The following SPACA3 variants were observed in gnomAD, a reference collection of about 807,000 sequenced individuals.
SPACA3 encodes the protein sperm acrosome associated 3.
Under a neutral mutation model 24.5 loss-of-function variants are expected in SPACA3, and 21 were observed. The ratio of observed to expected loss-of-function variants is 0.86; its 90% CI spans 0.61 to 1.24. SPACA3 has a LOEUF of 1.24. Among genes scored for constraint, SPACA3 ranks in the 50% most tolerant of loss-of-function variants. The probability of loss-of-function intolerance (pLI) is 0.00; values close to 1 mark genes in which losing one functional copy is unlikely to be tolerated. For missense variants in SPACA3, 278 were observed against 275.5 expected, an observed-to-expected ratio of 1.01 and a Z score of -0.06; for synonymous variants, 115 against 106.9, an observed-to-expected ratio of 1.08 and a Z score of -0.47.
chr17:32,997,310 G>A, intron 3 of SPACA3, 135 bp from the exon 4 acceptor site: 2 of 660,008 alleles, frequency 3.0e-6, no homozygotes, highest in South Asian at 2.1e-5. Flanking sequence ...TTAGGCGAGT[G>A]GAGTGTGTGT....
chr17:32,993,849 C>T (rs79348288), intron 1 of SPACA3, among the ~76,000 whole-genome samples: 2,121 of 151,842 alleles, frequency 0.014, 21 homozygotes, highest in Non-Finnish European at 0.021. Context: ...GCTAGCGCGC[C>T]GGGAGAGGAG....
intron 1 of SPACA3, chr17:32,993,104 A>G (rs2091700683): frequency 2.7e-6 from 1 of 373,188 alleles, no homozygotes; most frequent in Non-Finnish European, 5.5e-6. Context: ...GTCATGGGGA[A>G]GGAGTGAAGA....
chr17:32,996,701 G>A lies in SPACA3; in HGVS notation c.344-142G>A, dbSNP rs2091724038. On this transcript the variant is annotated intron_variant, in intron 2 of 4. Transcript: ENST00000269053. ...AAGCCTCGATTGATTGGTTTGCAAAGCAGGTGGGAGGCACCTGCCCCAATC... is the reference window on the plus strand; with the variant it reads ...AAGCCTCGATTGATTGGTTTGCAAAACAGGTGGGAGGCACCTGCCCCAATC... 4 of 720,570 alleles carry A rather than the reference G, an allele frequency of 5.6e-6. No homozygotes were observed. The South Asian group carries it at 2.1e-4, about 38-fold the overall frequency. 44.6% of individuals were successfully genotyped at this position (720,570 alleles called of 1,614,324 possible). A position where few individuals can be genotyped will look rare whatever the true frequency, so the allele number is the denominator to read the frequency against.
At chr17:32,992,186 C>T (rs1014433519) in intron 1 of SPACA3, among the ~76,000 whole-genome samples, 1 of 113,554 alleles carries the variant, frequency 8.8e-6, no homozygotes, top group Non-Finnish European at 1.8e-5. Flanking sequence ...CACTTTTCTA[C>T]AAAAAAAAAA....
At chr17:32,993,108 G>C in intron 1 of SPACA3, 1 of 370,860 alleles carries the variant, frequency 2.7e-6, no homozygotes, top group South Asian at 2.1e-5. Flanking sequence ...TGGGGAAGGA[G>C]TGAAGAATGA....
At chr17:32,995,859 G>A in intron 2 of SPACA3, 142 bp downstream of exon 2, 2 of 1,026,986 alleles carry the variant, frequency 1.9e-6, no homozygotes, top group Non-Finnish European at 2.8e-6. Flanking sequence ...TGAGATGGCA[G>A]GTAGAGAACA....
chr17:32,996,727 A>C, intron 2 of SPACA3, 116 bp from the exon 3 acceptor site: 1 of 1,214,070 alleles, frequency 8.2e-7, no homozygotes, highest in South Asian at 2.9e-5. Flanking sequence ...TGCCCCAATC[A>C]CCTTGATCAG....
intron 3 of SPACA3, 126 bp from the exon 4 acceptor site, chr17:32,997,319 G>T (rs911633936): frequency 2.8e-6 from 2 of 726,562 alleles, no homozygotes; most frequent in Non-Finnish European, 4.6e-6. Context: ...TGGAGTGTGT[G>T]TGTGTGTGTG....
chr17:32,997,043 G>T, intron 3 of SPACA3, 42 bp downstream of exon 3: 1 of 1,474,190 alleles, frequency 6.8e-7, no homozygotes, highest in Non-Finnish European at 9.0e-7. Context: ...GTCAGGCCCT[G>T]CATTAGCTTT....
At chr17:32,997,610 C>T in intron 4 of SPACA3, 87 bp downstream of exon 4, 3 of 1,546,924 alleles carry the variant, frequency 1.9e-6, no homozygotes, top group Admixed American at 1.7e-5. Flanking sequence ...TCCTTCCTCA[C>T]TTCTGGTTTA....
chr17:32,992,076 A>T (rs1179776086), intron 1 of SPACA3, 104 bp downstream of exon 1: 5 of 1,212,866 alleles, frequency 4.1e-6, no homozygotes, highest in Non-Finnish European at 5.8e-6. Context: ...GGGTGGGGTT[A>T]TCCTGGCCTG....
chr17:32,997,382 C>A, intron 3 of SPACA3, 63 bp from the exon 4 acceptor site: 1 of 1,307,272 alleles, frequency 7.6e-7, no homozygotes, highest in Non-Finnish European at 1.1e-6. Context: ...CACACTCACA[C>A]ACACACACAC....
rs747649539 is a variant in SPACA3 at position 32,995,533 on chromosome 17, A to G, written c.159A>G (p.Ile53Met). 6.2e-7 allele frequency: 1 copy of G among 1,614,224 alleles called. No individual in the cohort carries two copies. Among genetic ancestry groups the G allele is most frequent in the Non-Finnish European group, 8.5e-7 (1 of 1,180,034 alleles). ...GTGGCTCCACCTCTGCCGCCGGCAT[A>G]GAAGCCAGGAGCAGGGCTCTCAGAA... ...SGGGSTSAAG[I>M]EARSRALRRR... Residue 53 changes from isoleucine (I) to methionine (M), a missense_variant, in exon 2 of 5, where the codon ATA (isoleucine) becomes ATG (methionine). Transcript: ENST00000269053.
intron 2 of SPACA3, 87 bp from the exon 3 acceptor site, chr17:32,996,756 A>G (rs1598224519): frequency 2.2e-6 from 3 of 1,342,276 alleles, no homozygotes; most frequent in Non-Finnish European, 1.9e-6. Flanking sequence ...GGCTCGGTGG[A>G]GCCAGCGTGG....
At chr17:32,997,650 T>C (rs2091731446) in intron 4 of SPACA3, 62 bp from the exon 5 acceptor site, 2 of 1,579,400 alleles carry the variant, frequency 1.3e-6, no homozygotes, top group African/African-American at 2.7e-5. Flanking sequence ...TGTTCTTCTC[T>C]GGGCGGTGAC....
In SPACA3 at chr17:32,997,522, T is replaced by C. The variant is rs1367398262; in HGVS notation, c.580T>C (p.Trp194Arg). The C allele has an allele frequency of 1.9e-6, 3 of 1,613,866 alleles. No individual in the cohort carries two copies. Among genetic ancestry groups the C allele is most frequent in the South Asian group, 1.1e-5 (1 of 91,064 alleles). ...CCAAGAGCCTCAGGGTCTGGGTTAC[T>C]GGTAAGTAACTTGGGCTGGAGCCCC... The part of the protein sequence containing the change: ...ITQEPQGLGY[W>R]EAWRHHCQGK... The change falls in exon 4 of 5, where the codon TGG (tryptophan) becomes CGG (arginine). Residue 194 changes from tryptophan (W) to arginine (R), a missense_variant and splice_region_variant. Coordinates refer to ENST00000269053, the MANE Select transcript of SPACA3 (RefSeq NM_173847.5).
chr17:32,997,532 CTT>C lies in SPACA3; in HGVS notation c.581+10_581+11del. On this transcript the variant is annotated intron_variant, in intron 4 of 4. Transcript: ENST00000269053. ...CAGGGTCTGGGTTACTGGTAAGTAA[CTT>C]GGGCTGGAGCCCCGCAGCGGTGGTA... is the stretch of plus-strand genomic sequence containing the variant. 3 of 1,613,190 alleles carry C rather than the reference CTT, an allele frequency of 1.9e-6. No individual in the cohort carries two copies. Among genetic ancestry groups the C allele is most frequent in the Non-Finnish European group, 2.5e-6 (3 of 1,179,184 alleles).
intron 1 of SPACA3, among the ~76,000 whole-genome samples, chr17:32,994,398 G>C (rs2091709819): frequency 1.3e-5 from 2 of 152,212 alleles, no homozygotes; most frequent in South Asian, 2.1e-4. Context: ...AGGAGCAGAG[G>C]GGGGCTTCCA....
At chr17:32,997,093 G>T in intron 3 of SPACA3, 92 bp downstream of exon 3, 3 of 1,393,278 alleles carry the variant, frequency 2.2e-6, no homozygotes. Flanking sequence ...CCATCTCTGA[G>T]TGAGGGTTCC....
Sources: allele counts gnomAD v4.1 joint callset (sites outside exome capture counted in the v4.1 genomes callset), GRCh38; gene constraint gnomAD v4.1.1; transcripts MANE v1.5; gene names NCBI Gene and HGNC (gene_info 2026-07-23, HGNC 2026-07-21).